The following ERBIN variants were observed in gnomAD, a reference collection of about 807,000 sequenced individuals.
The protein encoded by ERBIN is erbb2 interacting protein, also known as densin-180-like protein.
A neutral mutation model predicts 158.4 loss-of-function variants in ERBIN; 60 were observed. The ratio of observed to expected loss-of-function variants is 0.38; its 90% CI spans 0.31 to 0.47. The LOEUF (loss-of-function observed/expected upper bound fraction) is 0.47, where lower values mean the gene tolerates loss of function less well. ERBIN is among the 20% of genes least tolerant of loss of function. The probability of loss-of-function intolerance (pLI) is 0.99; values close to 1 mark genes in which losing one functional copy is unlikely to be tolerated. For missense variants in ERBIN, 1,610 were observed against 1,648.0 expected (o/e 0.98, Z 0.40); for synonymous variants, 594 against 557.2 (o/e 1.07, Z -0.93).
intron 21 of ERBIN, chr5:66,055,193 ATG>A: frequency 1.1e-6 from 1 of 943,484 alleles, no homozygotes; most frequent in South Asian, 3.4e-5. Context: ...TTATATGTTT[ATG>A]TGTCTGTCTC....
intron 14 of ERBIN, among the ~76,000 whole-genome samples, chr5:66,032,204 A>G (rs1756960630): frequency 1.3e-5 from 2 of 152,194 alleles, no homozygotes; most frequent in South Asian, 4.1e-4. Context: ...TTGGTGGAGG[A>G]TCTTCTATGC....
intron 21 of ERBIN, among the ~76,000 whole-genome samples, chr5:66,063,189 C>G (rs1477945616): frequency 6.6e-6 from 1 of 152,226 alleles, no homozygotes; most frequent in East Asian, 1.9e-4. Flanking sequence ...GGGCTTCACC[C>G]AGTTCGAGCT....
intron 25 of ERBIN, among the ~76,000 whole-genome samples, chr5:66,077,209 T>C (rs1490157937): frequency 6.6e-6 from 1 of 151,966 alleles, no homozygotes. Flanking sequence ...CTCAGGAATG[T>C]TAATTTTTAC....
chr5:66,075,917 G>A (rs972960009), intron 23 of ERBIN, among the ~76,000 whole-genome samples: 2 of 152,048 alleles, frequency 1.3e-5, no homozygotes, highest in African/African-American at 4.8e-5. Flanking sequence ...GATATCTTAT[G>A]TAACAAGCCA....
At chr5:66,072,425 T>A in intron 22 of ERBIN, 134 bp downstream of exon 22, 9 of 858,914 alleles carry the variant, frequency 1.0e-5, no homozygotes, top group African/African-American at 1.7e-5. Flanking sequence ...TAAGGATTTT[T>A]AAAATATCAG....
intron 1 of ERBIN, among the ~76,000 whole-genome samples, chr5:65,927,518 T>C (rs939645672): frequency 4.6e-5 from 7 of 151,810 alleles, no homozygotes; most frequent in African/African-American, 1.7e-4. Flanking sequence ...AAAAAAGGAG[T>C]AAGGACTAAG....
At chr5:65,985,474 C>T (rs909653667) in intron 1 of ERBIN, among the ~76,000 whole-genome samples, 2 of 152,196 alleles carry the variant, frequency 1.3e-5, no homozygotes, top group Non-Finnish European at 2.9e-5. Context: ...GGTATAGTAT[C>T]TGTATTTTTC....
intron 1 of ERBIN, among the ~76,000 whole-genome samples, chr5:65,977,847 T>G (rs1275479927): frequency 6.6e-6 from 1 of 152,088 alleles, no homozygotes; most frequent in Non-Finnish European, 1.5e-5. Context: ...ATCACGCCAC[T>G]GCACTCCAGC....
At chr5:65,942,708 T>C (rs1285310599) in intron 1 of ERBIN, among the ~76,000 whole-genome samples, 1 of 152,120 alleles carries the variant, frequency 6.6e-6, no homozygotes, top group African/African-American at 2.4e-5. Flanking sequence ...GCGGATCACT[T>C]GAGGTCAGGA....
chr5:66,060,795 G>T lies in ERBIN; in HGVS notation c.3633+5844G>T, dbSNP rs138270049. ...TTTTTTTTCTACCTTCATTTCGTTA[G>T]GTACCCAGTAGTCATTCAGGAGCAG... On this transcript the variant is annotated intron_variant, in intron 21 of 25. Transcript: ENST00000284037. 5.6e-3 allele frequency among the ~76,000 whole-genome samples: 856 copies of T among 152,104 alleles called. 6 individuals carry two copies. The highest frequency in any genetic ancestry group is 0.017 in the African/African-American group (725 of 41,488).
intron 3 of ERBIN, among the ~76,000 whole-genome samples, chr5:65,994,440 C>A (rs1201914748): frequency 6.6e-6 from 1 of 152,136 alleles, no homozygotes; most frequent in Non-Finnish European, 1.5e-5. Flanking sequence ...GCTTGAAAGA[C>A]AAGCTCCAGA....
chr5:66,033,703 A>G (rs942820668), intron 14 of ERBIN, among the ~76,000 whole-genome samples: 3 of 152,180 alleles, frequency 2.0e-5, no homozygotes, highest in Admixed American at 2.0e-4. Flanking sequence ...ATGAGAAGGA[A>G]ATGGAATGGA....
At chr5:66,036,804 G>A (rs1757442797) in intron 14 of ERBIN, among the ~76,000 whole-genome samples, 1 of 152,198 alleles carries the variant, frequency 6.6e-6, no homozygotes, top group African/African-American at 2.4e-5. Context: ...TTATGGCATA[G>A]TAATAGAATA....
chr5:66,055,454 A>AT (rs1389523107), intron 21 of ERBIN, among the ~76,000 whole-genome samples: 4 of 152,158 alleles, frequency 2.6e-5, no homozygotes, highest in Non-Finnish European at 5.9e-5. Context: ...ACTTTTCTGA[A>AT]TTTCTACATT....
rs184115866 is a variant in ERBIN at position 65,928,840 on chromosome 5, G to C, written c.-58+2034G>C. On this transcript the variant is annotated intron_variant, in intron 1 of 25. Transcript: ENST00000284037. ...GAAGCTTTGTTTAAACTGTGACAAA[G>C]GTTTGAAAAGAGGTTAATAGAGGAG... 1.6e-3 allele frequency among the ~76,000 whole-genome samples: 246 copies of C among 152,238 alleles called. 1 individual carries two copies. The highest frequency in any genetic ancestry group is 3.4e-3 in the Middle Eastern group (1 of 294).
At position 66,056,711 on chromosome 5, in the gene ERBIN, G is replaced by A. The variant is rs376028032; in HGVS notation, c.3633+1760G>A. Among the ~76,000 whole-genome samples, 21 of 152,258 alleles carry A rather than the reference G, an allele frequency of 1.4e-4. No homozygotes were observed. In the East Asian group the frequency reaches 2.3e-3, roughly 17 times the overall value. On this transcript the variant is annotated intron_variant, in intron 21 of 25. Transcript: ENST00000284037. ...TGAGAAAAGAAACAGGGCAAACTGTGTCTGAACACAAATCTGCACCTGATA... is the reference window on the plus strand; with the variant it reads ...TGAGAAAAGAAACAGGGCAAACTGTATCTGAACACAAATCTGCACCTGATA...
intron 1 of ERBIN, among the ~76,000 whole-genome samples, chr5:65,951,227 C>G (rs1746468255): frequency 6.6e-6 from 1 of 152,044 alleles, no homozygotes; most frequent in African/African-American, 2.4e-5. Flanking sequence ...ACATCTTTTT[C>G]CCTCTCTGGC....
chr5:66,005,417 T>C (rs1257146522), intron 4 of ERBIN, among the ~76,000 whole-genome samples: 3 of 152,110 alleles, frequency 2.0e-5, no homozygotes, highest in South Asian at 2.1e-4. Flanking sequence ...GTCTGGAGTT[T>C]AGTAAAGAGA....
At chr5:65,973,300 G>T (rs1749475030) in intron 1 of ERBIN, among the ~76,000 whole-genome samples, 1 of 151,240 alleles carries the variant, frequency 6.6e-6, no homozygotes, top group Admixed American at 6.6e-5. Flanking sequence ...TATACCCAAT[G>T]TAAATGACGA....
Sources: allele counts gnomAD v4.1 joint callset (sites outside exome capture counted in the v4.1 genomes callset), GRCh38; gene constraint gnomAD v4.1.1; transcripts MANE v1.5; gene names NCBI Gene and HGNC (gene_info 2026-07-23, HGNC 2026-07-21).